TSC22D1: variants seen among roughly 807,000 people sequenced by gnomAD.
The protein encoded by TSC22D1 is TSC22 domain family protein 1.
Under a neutral mutation model 74.2 loss-of-function variants are expected in TSC22D1, and 9 were observed. The observed-to-expected ratio is 0.12, with a 90% CI of 0.07 to 0.21. The LOEUF is 0.21. Among genes scored for constraint, TSC22D1 ranks in the 10% least tolerant of loss-of-function variants. The probability of loss-of-function intolerance (pLI) is 1.00; values close to 1 mark genes in which losing one functional copy is unlikely to be tolerated. For synonymous variants in TSC22D1, 586 were observed against 492.5 expected, an observed-to-expected ratio of 1.19 and a Z score of -2.51; for missense variants, 1,427 against 1,304.7, an observed-to-expected ratio of 1.09 and a Z score of -1.44.
intron 1 of TSC22D1, among the ~76,000 whole-genome samples, chr13:44,448,457 G>A (rs1044122973): frequency 6.6e-6 from 1 of 152,110 alleles, no homozygotes; most frequent in African/African-American, 2.4e-5. Flanking sequence ...CAATTACACA[G>A]TTGTATTTAC....
chr13:44,556,914 C>A (rs910179773), intron 1 of TSC22D1, among the ~76,000 whole-genome samples: 1 of 149,028 alleles, frequency 6.7e-6, no homozygotes, highest in Non-Finnish European at 1.5e-5. Context: ...GAGGCCGAGG[C>A]GGGCGGATCA....
chr13:44,542,181 T>C (rs980471969), intron 1 of TSC22D1, among the ~76,000 whole-genome samples: 1 of 152,126 alleles, frequency 6.6e-6, no homozygotes, highest in Non-Finnish European at 1.5e-5. Flanking sequence ...CCAATAGTTT[T>C]CCTTCAGTTC....
chr13:44,536,904 C>G, intron 1 of TSC22D1: 1 of 181,694 alleles, frequency 5.5e-6, no homozygotes, highest in Non-Finnish European at 7.3e-6. Context: ...ATCACCTTAA[C>G]AGTTCAAAAA....
chr13:44,452,047 T>C (rs1056473690), intron 1 of TSC22D1, among the ~76,000 whole-genome samples: 1 of 152,312 alleles, frequency 6.6e-6, no homozygotes, highest in East Asian at 1.9e-4. Context: ...GGTCCTCTCA[T>C]GTCAATTCCA....
At chr13:44,516,945 G>A (rs1041174185) in intron 1 of TSC22D1, among the ~76,000 whole-genome samples, 7 of 152,116 alleles carry the variant, frequency 4.6e-5, no homozygotes, top group African/African-American at 1.4e-4. Context: ...TAGTCACCCC[G>A]CCTTCTTCCT....
At chr13:44,518,238 A>G (rs779928445) in intron 1 of TSC22D1, among the ~76,000 whole-genome samples, 2 of 152,084 alleles carry the variant, frequency 1.3e-5, no homozygotes, top group Non-Finnish European at 2.9e-5. Context: ...GAAGTTAAAC[A>G]TCTCAGAAGT....
intron 1 of TSC22D1, among the ~76,000 whole-genome samples, chr13:44,532,135 C>G (rs1305706096): frequency 6.6e-6 from 1 of 152,166 alleles, no homozygotes; most frequent in Non-Finnish European, 1.5e-5. Context: ...GGGGACTGTA[C>G]TTTTGTATTT....
intron 1 of TSC22D1, among the ~76,000 whole-genome samples, chr13:44,466,952 C>G (rs966208459): frequency 6.6e-6 from 1 of 152,032 alleles, no homozygotes; most frequent in South Asian, 2.1e-4. Context: ...CACTTGAGGT[C>G]AGGAGTTTGA....
chr13:44,492,455 C>T (rs1595115304), intron 1 of TSC22D1, among the ~76,000 whole-genome samples: 1 of 152,112 alleles, frequency 6.6e-6, no homozygotes, highest in African/African-American at 2.4e-5. Flanking sequence ...ACCATCTGTA[C>T]AGCTATACAC....
intron 1 of TSC22D1, among the ~76,000 whole-genome samples, chr13:44,445,328 CAA>C (rs34720179): frequency 7.1e-6 from 1 of 141,750 alleles, no homozygotes. Flanking sequence ...GGAACAACTG[CAA>C]AAAAAAAAAA....
chr13:44,480,117 T>C (rs946191086), intron 1 of TSC22D1, among the ~76,000 whole-genome samples: 1 of 152,220 alleles, frequency 6.6e-6, no homozygotes, highest in African/African-American at 2.4e-5. Flanking sequence ...TTAAATTGAA[T>C]GTATAAGATG....
intron 1 of TSC22D1, among the ~76,000 whole-genome samples, chr13:44,509,950 C>CAAAAAAAAAAAAAAAAAAAAAACTAAAA: frequency 1.9e-5 from 1 of 51,426 alleles, no homozygotes; most frequent in Non-Finnish European, 3.6e-5. Flanking sequence ...AGAAAATAAG[C>CAAAAAAAAAAAAAAAAAAAAAACTAAAA]AAAAAAAAAA....
intron 1 of TSC22D1, among the ~76,000 whole-genome samples, chr13:44,491,125 C>A (rs937549739): frequency 6.6e-6 from 1 of 151,988 alleles, no homozygotes; most frequent in Non-Finnish European, 1.5e-5. Flanking sequence ...CAAGATGGTG[C>A]CACTGCACTC....
At chr13:44,542,733 A>AATTT (rs1881552585) in intron 1 of TSC22D1, among the ~76,000 whole-genome samples, 1 of 152,080 alleles carries the variant, frequency 6.6e-6, no homozygotes, top group Non-Finnish European at 1.5e-5. Context: ...AAGAGTTAAT[A>AATTT]ATTTATGAAG....
chr13:44,463,422 C>T (rs1226679683), intron 1 of TSC22D1, among the ~76,000 whole-genome samples: 2 of 152,176 alleles, frequency 1.3e-5, no homozygotes, highest in African/African-American at 2.4e-5. Flanking sequence ...TCTAGCTAAA[C>T]TGCAGTTTAA....
At chr13:44,499,065 C>A (rs1316627574) in intron 1 of TSC22D1, among the ~76,000 whole-genome samples, 6 of 152,160 alleles carry the variant, frequency 3.9e-5, no homozygotes, top group Admixed American at 1.3e-4. Flanking sequence ...ATTTAACTAA[C>A]TGTTCTCTCC....
chr13:44,447,389 A>C (rs1345709701), intron 1 of TSC22D1, among the ~76,000 whole-genome samples: 1 of 152,110 alleles, frequency 6.6e-6, no homozygotes, highest in Non-Finnish European at 1.5e-5. Flanking sequence ...CATTGAGGAG[A>C]CCTAAAAATG....
At chr13:44,515,788 T>C (rs1257709280) in intron 1 of TSC22D1, among the ~76,000 whole-genome samples, 3 of 152,140 alleles carry the variant, frequency 2.0e-5, no homozygotes, top group Non-Finnish European at 4.4e-5. Flanking sequence ...TGAAATAACA[T>C]ATAAAAAACT....
At position 44,524,693 on chromosome 13, in the gene TSC22D1, T is replaced by A. The variant is rs996902607; in HGVS notation, c.2912+48470A>T. ...TCCTGAGTATTAACAGCACCCGCCA[T>A]GCCCAGCTAATTTTTGTATTATTTT... On this transcript the variant is annotated intron_variant, in intron 1 of 2. Coordinates refer to ENST00000458659, the MANE Select transcript of TSC22D1 (RefSeq NM_183422.4). Among the ~76,000 whole-genome samples the A allele has an allele frequency of 1.1e-4, 16 of 152,122 alleles. 1 individual carries two copies. The highest frequency in any genetic ancestry group is 1.0e-3 in the Admixed American group (16 of 15,266).
Sources: gnomAD v4.1 joint callset for allele counts (sites outside exome capture counted in the v4.1 genomes callset) on GRCh38, gnomAD v4.1.1 for gene constraint, MANE v1.5 for transcripts, NCBI Gene and HGNC (gene_info 2026-07-23, HGNC 2026-07-21) for gene names.